BLNK: variants seen among roughly 807,000 people sequenced by gnomAD.
BLNK encodes B-cell linker protein.
In BLNK, 29 loss-of-function variants were observed where a neutral mutation model predicts 73.5. That is an observed-to-expected ratio of 0.39 (90% CI 0.29 to 0.54). BLNK has a LOEUF of 0.54. Among genes scored for constraint, BLNK ranks in the 20% least tolerant of loss-of-function variants. The probability of loss-of-function intolerance (pLI) is 0.61; values close to 1 mark genes in which losing one functional copy is unlikely to be tolerated. For missense variants in BLNK, 460 were observed against 562.8 expected, an observed-to-expected ratio of 0.82 and a Z score of 1.85; for synonymous variants, 176 against 200.8, an observed-to-expected ratio of 0.88 and a Z score of 1.04.
At chr10:96,202,421 A>G (rs1440600681) in intron 13 of BLNK, among the ~76,000 whole-genome samples, 2 of 152,158 alleles carry the variant, frequency 1.3e-5, no homozygotes, top group African/African-American at 4.8e-5. Flanking sequence ...ATCTATTTTG[A>G]AGGAATAGCT....
chr10:96,192,818 C>T (rs984106603), intron 16 of BLNK, among the ~76,000 whole-genome samples: 4 of 152,106 alleles, frequency 2.6e-5, no homozygotes, highest in African/African-American at 9.7e-5. Context: ...AAATTAAATT[C>T]ATTGAGTATA....
At position 96,251,922 on chromosome 10, in the gene BLNK, G is replaced by A. The variant is rs144037628; in HGVS notation, c.48-4873C>T. On this transcript the variant is annotated intron_variant, in intron 1 of 16. Coordinates refer to ENST00000224337, the MANE Select transcript of BLNK (RefSeq NM_013314.4). ...GTTACAGCAGTTTCTTCCCTTTAAA[G>A]TGCCTTACTTTAGAATCCGATAGAT... is the stretch of plus-strand genomic sequence containing the variant. 6.8e-3 allele frequency among the ~76,000 whole-genome samples: 1,038 copies of A among 152,272 alleles called. 7 individuals are homozygous for A. Among genetic ancestry groups the A allele is most frequent in the Non-Finnish European group, 0.011 (769 of 68,034 alleles).
At chr10:96,253,437 G>C (rs139031469) in intron 1 of BLNK, among the ~76,000 whole-genome samples, 1 of 152,166 alleles carries the variant, frequency 6.6e-6, no homozygotes, top group Non-Finnish European at 1.5e-5. Context: ...CTGGGAGCCT[G>C]GGATCAAGAG....
chr10:96,207,745 G>A, intron 10 of BLNK, 127 bp downstream of exon 10: 1 of 1,134,010 alleles, frequency 8.8e-7, no homozygotes, highest in Non-Finnish European at 1.3e-6. Context: ...GGACTGCTTG[G>A]GCAGCAACTT....
At chr10:96,250,192 A>G (rs1843221787) in intron 1 of BLNK, among the ~76,000 whole-genome samples, 1 of 152,128 alleles carries the variant, frequency 6.6e-6, no homozygotes, top group African/African-American at 2.4e-5. Context: ...TAGCAAAGAG[A>G]AAAGGATGGT....
At chr10:96,265,574 G>A (rs1001879107) in intron 1 of BLNK, among the ~76,000 whole-genome samples, 2 of 152,146 alleles carry the variant, frequency 1.3e-5, no homozygotes, top group Admixed American at 1.3e-4. Flanking sequence ...AAATTGAAAT[G>A]CAGGCCTAAG....
chr10:96,251,792 A>G (rs1385769136), intron 1 of BLNK, among the ~76,000 whole-genome samples: 1 of 152,220 alleles, frequency 6.6e-6, no homozygotes, highest in Non-Finnish European at 1.5e-5. Flanking sequence ...TTGAATTAAG[A>G]CACGTAACTT....
chr10:96,189,438 A>G lies in BLNK; in HGVS notation c.*2535T>C. ...CCGGAAGCAATTCTTCACATAATTG[A>G]TGAACTTGGCTTCCACTTTGGGAAG... On this transcript the variant is annotated 3_prime_UTR_variant, in exon 17 of 17. Coordinates refer to ENST00000224337, the MANE Select transcript of BLNK (RefSeq NM_013314.4). 1 of 610,982 alleles carries G rather than the reference A, an allele frequency of 1.6e-6. No individual in the cohort carries two copies. Among genetic ancestry groups the G allele is most frequent in the Non-Finnish European group, 3.1e-6 (1 of 322,906 alleles). The allele number at this position is 610,982 out of a possible 1,614,324, so 37.8% of individuals were successfully genotyped here.
At chr10:96,259,693 T>TTTTGCTTGTTTCTTTTTTTTC (rs1843667929) in intron 1 of BLNK, among the ~76,000 whole-genome samples, 1 of 135,898 alleles carries the variant, frequency 7.4e-6, no homozygotes, top group Non-Finnish European at 1.5e-5. Context: ...TTTTTTTTTT[T>TTTTGCTTGTTTCTTTTTTTTC]GCTTGTTTCT....
At chr10:96,259,827 T>C (rs10748668) in intron 1 of BLNK, among the ~76,000 whole-genome samples, 145,272 of 151,708 alleles carry the variant, frequency 0.96, 69,570 homozygotes, top group Middle Eastern at 1. Context: ...GGGATGATTC[T>C]ACTAATACCC....
intron 1 of BLNK, among the ~76,000 whole-genome samples, chr10:96,262,923 G>C (rs916759032): frequency 6.6e-6 from 1 of 152,222 alleles, no homozygotes; most frequent in Non-Finnish European, 1.5e-5. Flanking sequence ...GGCAGACATG[G>C]AGGGGTCGTC....
intron 1 of BLNK, among the ~76,000 whole-genome samples, chr10:96,262,193 C>T (rs142824267): frequency 1.3e-4 from 20 of 152,274 alleles, no homozygotes; most frequent in Middle Eastern, 6.8e-3. Flanking sequence ...TAAATGAGTC[C>T]TGCGTGGGTG....
intron 16 of BLNK, among the ~76,000 whole-genome samples, chr10:96,194,889 G>A (rs907268926): frequency 2.7e-5 from 4 of 148,634 alleles, no homozygotes; most frequent in African/African-American, 9.9e-5. Flanking sequence ...TCCTGCCTCA[G>A]CCTCCTGTGT....
At chr10:96,202,667 G>T (rs1373590379) in intron 13 of BLNK, among the ~76,000 whole-genome samples, 3 of 152,208 alleles carry the variant, frequency 2.0e-5, no homozygotes, top group African/African-American at 7.2e-5. Context: ...AAGGAAGGAT[G>T]TATTCTAATA....
At chr10:96,247,917 A>G (rs1328913089) in intron 1 of BLNK, among the ~76,000 whole-genome samples, 1 of 152,240 alleles carries the variant, frequency 6.6e-6, no homozygotes, top group African/African-American at 2.4e-5. Context: ...CTCTTGAGCC[A>G]CTTGGTCAAG....
Position 96,189,826 on chromosome 10 carries a change from ATCC to A in BLNK, c.*2144_*2146del, listed in dbSNP as rs1385731266. On this transcript the variant is annotated 3_prime_UTR_variant, in exon 17 of 17. Coordinates refer to ENST00000224337, the MANE Select transcript of BLNK (RefSeq NM_013314.4). ...TTCCAGATATCCTTAAGAGTTTCAC[ATCC>A]TCCTCCTCTTCATCTTCTGACTCTG... 8.5e-7 allele frequency: 1 copy of A among 1,181,032 alleles called. No individual in the cohort carries two copies. 73.2% of individuals were successfully genotyped at this position (1,181,032 alleles called of 1,614,324 possible).
chr10:96,250,783 G>A (rs1554908942), intron 1 of BLNK, among the ~76,000 whole-genome samples: 2 of 152,150 alleles, frequency 1.3e-5, no homozygotes, highest in African/African-American at 4.8e-5. Flanking sequence ...GTGCTTCTTG[G>A]CATTTCCTAA....
At chr10:96,214,037 G>A (rs1217596929) in intron 8 of BLNK, among the ~76,000 whole-genome samples, 1 of 152,204 alleles carries the variant, frequency 6.6e-6, no homozygotes, top group Non-Finnish European at 1.5e-5. Context: ...ATACTCGACT[G>A]TTCTTTCATT....
chr10:96,225,541 C>T (rs1187566805), intron 5 of BLNK, among the ~76,000 whole-genome samples: 2 of 152,124 alleles, frequency 1.3e-5, no homozygotes, highest in Non-Finnish European at 2.9e-5. Flanking sequence ...TTATTTGCAG[C>T]TCCTGGAGTT....
Sources: gnomAD v4.1 joint callset for allele counts (sites outside exome capture counted in the v4.1 genomes callset) on GRCh38, gnomAD v4.1.1 for gene constraint, MANE v1.5 for transcripts, NCBI Gene and HGNC (gene_info 2026-07-23, HGNC 2026-07-21) for gene names.